KCNK2: variants seen among roughly 807,000 people sequenced by gnomAD.
The protein encoded by KCNK2 is potassium channel subfamily K member 2.
A neutral mutation model predicts 40.5 loss-of-function variants in KCNK2; 21 were observed. The ratio of observed to expected loss-of-function variants is 0.52; its 90% CI spans 0.37 to 0.75. KCNK2 has a LOEUF of 0.75. Among genes scored for constraint, KCNK2 ranks in the 30% least tolerant of loss-of-function variants. The pLI, the probability that KCNK2 is intolerant of heterozygous loss-of-function variation, is 0.00. For missense variants in KCNK2, 399 were observed against 531.6 expected (o/e 0.75, Z 2.45); for synonymous variants, 191 against 202.2 (o/e 0.94, Z 0.47).
intron 6 of KCNK2, among the ~76,000 whole-genome samples, chr1:215,195,640 ACTTAT>A (rs1664832937): frequency 6.6e-6 from 1 of 152,136 alleles, no homozygotes; most frequent in Non-Finnish European, 1.5e-5. Flanking sequence ...GTGTCAATTT[ACTTAT>A]CTTATACAAC....
At chr1:215,068,011 T>C (rs1658617507) in intron 1 of KCNK2, among the ~76,000 whole-genome samples, 1 of 152,136 alleles carries the variant, frequency 6.6e-6, no homozygotes, top group Non-Finnish European at 1.5e-5. Flanking sequence ...TGTTTCTATA[T>C]GGTCTTCTCC....
At position 215,139,615 on chromosome 1, in the gene KCNK2, C is replaced by A. The variant is rs578175786; in HGVS notation, c.475+14865C>A. On this transcript the variant is annotated intron_variant, in intron 3 of 6. Transcript: ENST00000444842. ...CCTAACCAACATGGTGAAATCCCAT[C>A]TCTACTAAAAATACAAAATTAGCTG... Among the ~76,000 whole-genome samples, 4 of 152,248 alleles carry A rather than the reference C, an allele frequency of 2.6e-5. No homozygotes were observed. In the South Asian group the frequency reaches 8.3e-4, roughly 32 times the overall value.
Position 215,083,266 on chromosome 1 carries a change from G to T in KCNK2, c.-120G>T, listed in dbSNP as rs1273893483. ...TAAAACAAAGCCGGGGAAAATGCCTGCCCGTGCAGCTCGGAGCGCGCAGCC... is the reference window on the plus strand; with the variant it reads ...TAAAACAAAGCCGGGGAAAATGCCTTCCCGTGCAGCTCGGAGCGCGCAGCC... On this transcript the variant is annotated 5_prime_UTR_variant, in exon 1 of 7. Transcript: ENST00000444842. 1 of 1,528,506 alleles carries T rather than the reference G, an allele frequency of 6.5e-7. No homozygotes were observed. Among genetic ancestry groups the T allele is most frequent in the Non-Finnish European group, 8.8e-7 (1 of 1,130,426 alleles). The allele number at this position is 1,528,506 out of a possible 1,614,324, so 94.7% of individuals were successfully genotyped here.
At chr1:215,169,804 C>A (rs566593223) in intron 4 of KCNK2, among the ~76,000 whole-genome samples, 1 of 151,892 alleles carries the variant, frequency 6.6e-6, no homozygotes, top group African/African-American at 2.4e-5. Context: ...CGCCACCATG[C>A]CTGGCTAATT....
intron 5 of KCNK2, among the ~76,000 whole-genome samples, chr1:215,193,862 T>A (rs995928525): frequency 6.6e-6 from 1 of 152,186 alleles, no homozygotes; most frequent in African/African-American, 2.4e-5. Flanking sequence ...CATCCATGAC[T>A]AAAAGTCATT....
intron 3 of KCNK2, among the ~76,000 whole-genome samples, chr1:215,142,729 G>C (rs1662237687): frequency 6.6e-6 from 1 of 152,008 alleles, no homozygotes; most frequent in Admixed American, 6.6e-5. Flanking sequence ...ACTTTCTTCT[G>C]CTGAGTATAA....
intron 5 of KCNK2, among the ~76,000 whole-genome samples, chr1:215,180,532 T>A (rs74140947): frequency 0.013 from 1,916 of 152,278 alleles, 34 homozygotes; most frequent in African/African-American, 0.041. Context: ...CCCTTAAGTA[T>A]CTCCTGTAAG....
chr1:215,109,221 C>T (rs12125124), intron 2 of KCNK2, among the ~76,000 whole-genome samples: 5,002 of 152,036 alleles, frequency 0.033, 116 homozygotes, highest in Middle Eastern at 0.061. Flanking sequence ...TAAGTTCTCT[C>T]GACCAGCTAC....
At chr1:215,190,092 C>T (rs1020290033) in intron 5 of KCNK2, among the ~76,000 whole-genome samples, 1 of 152,104 alleles carries the variant, frequency 6.6e-6, no homozygotes, top group Non-Finnish European at 1.5e-5. Flanking sequence ...CCTTTAAAAC[C>T]AGGATATATC....
chr1:215,143,801 TGA>T (rs1342091187), intron 3 of KCNK2, among the ~76,000 whole-genome samples: 4 of 152,152 alleles, frequency 2.6e-5, no homozygotes, highest in African/African-American at 9.7e-5. Context: ...AGTGAACTGA[TGA>T]TATATGTTCG....
intron 1 of KCNK2, among the ~76,000 whole-genome samples, chr1:215,068,983 A>G (rs978265401): frequency 2.0e-5 from 3 of 152,232 alleles, no homozygotes; most frequent in Admixed American, 6.5e-5. Context: ...AAAGGAAACA[A>G]AAATCAAGCA....
At chr1:215,154,362 T>G (rs542169973) in intron 3 of KCNK2, among the ~76,000 whole-genome samples, 1 of 152,344 alleles carries the variant, frequency 6.6e-6, no homozygotes, top group South Asian at 2.1e-4. Flanking sequence ...TGAGCTTTTT[T>G]TCATATGTGT....
chr1:215,025,068 G>A (rs1400499525), intron 1 of KCNK2, among the ~76,000 whole-genome samples: 1 of 151,266 alleles, frequency 6.6e-6, no homozygotes, highest in Non-Finnish European at 1.5e-5. Flanking sequence ...CTATCTGATG[G>A]TTAAGTGCCA....
intron 3 of KCNK2, among the ~76,000 whole-genome samples, chr1:215,157,093 C>T (rs1435834194): frequency 6.6e-6 from 1 of 152,174 alleles, no homozygotes; most frequent in Non-Finnish European, 1.5e-5. Flanking sequence ...CAAGGCCCCT[C>T]CTCTGACACT....
intron 1 of KCNK2, among the ~76,000 whole-genome samples, chr1:215,018,849 C>T (rs1052621327): frequency 3.3e-5 from 5 of 152,026 alleles, no homozygotes; most frequent in South Asian, 2.1e-4. Flanking sequence ...AAAAGATCAC[C>T]CTGGCTGCTA....
intron 1 of KCNK2, among the ~76,000 whole-genome samples, chr1:215,075,936 C>A (rs560272033): frequency 6.6e-6 from 1 of 152,210 alleles, no homozygotes; most frequent in Non-Finnish European, 1.5e-5. Context: ...GGCCCACCCC[C>A]CAGGCAAGAA....
intron 6 of KCNK2, among the ~76,000 whole-genome samples, chr1:215,208,692 G>A (rs938354756): frequency 6.6e-6 from 1 of 151,990 alleles, no homozygotes; most frequent in South Asian, 2.1e-4. Flanking sequence ...AGTTTATTGG[G>A]ATATCTTACT....
In KCNK2 at chr1:215,082,967, G is replaced by C. The variant is rs1305765837; in HGVS notation, c.-419G>C. Among the ~76,000 whole-genome samples the C allele has an allele frequency of 1.4e-5, 2 of 147,628 alleles. No individual in the cohort carries two copies. The highest frequency in any genetic ancestry group is 4.2e-4 in the South Asian group (2 of 4,796). On this transcript the variant is annotated 5_prime_UTR_variant, in exon 1 of 7. Transcript: ENST00000444842. The stretch of plus-strand genomic sequence containing the variant: ...CACCGCCCCCGCGCCGCGCCGTGCC[G>C]GGGCCGGGCCAGCGAGCAGCCCGGG...
intron 6 of KCNK2, among the ~76,000 whole-genome samples, chr1:215,233,687 G>A (rs535834774): frequency 6.6e-6 from 1 of 152,264 alleles, no homozygotes; most frequent in Admixed American, 6.5e-5. Flanking sequence ...TGAAGCAAAC[G>A]AGAGCCTGGG....
Sources: allele counts gnomAD v4.1 joint callset (sites outside exome capture counted in the v4.1 genomes callset), GRCh38; gene constraint gnomAD v4.1.1; transcripts MANE v1.5; gene names NCBI Gene and HGNC (gene_info 2026-07-23, HGNC 2026-07-21).